The following ABCB5 variants were observed in gnomAD, a reference collection of about 807,000 sequenced individuals.
ABCB5 encodes the protein ATP-binding cassette sub-family B member 5.
Under a neutral mutation model 144.2 loss-of-function variants are expected in ABCB5, and 155 were observed. The ratio of observed to expected loss-of-function variants is 1.08; its 90% CI spans 0.94 to 1.23. The LOEUF (loss-of-function observed/expected upper bound fraction) is 1.23. Among genes scored for constraint, ABCB5 ranks in the 50% most tolerant of loss-of-function variants. The probability of loss-of-function intolerance (pLI) is 0.00; values close to 1 mark genes in which losing one functional copy is unlikely to be tolerated. For missense variants in ABCB5, 1,830 were observed against 1,520.8 expected (o/e 1.20, Z -3.38); for synonymous variants, 610 against 528.6 (o/e 1.15, Z -2.11).
chr7:20,670,657 C>T (rs1785437205), intron 14 of ABCB5, among the ~76,000 whole-genome samples: 1 of 152,200 alleles, frequency 6.6e-6, no homozygotes, highest in Non-Finnish European at 1.5e-5. Context: ...TGCTTGTAAT[C>T]CCAGCACTTT....
chr7:20,664,704 C>T (rs1562548727), intron 14 of ABCB5, among the ~76,000 whole-genome samples: 1 of 91,360 alleles, frequency 1.1e-5, no homozygotes, highest in Admixed American at 1.0e-4. Context: ...TCTCTTCTTA[C>T]CCACCATTTA....
intron 14 of ABCB5, among the ~76,000 whole-genome samples, chr7:20,680,712 G>C (rs1004424812): frequency 6.6e-6 from 1 of 151,992 alleles, no homozygotes; most frequent in Non-Finnish European, 1.5e-5. Context: ...ACCCTTATGT[G>C]CATTTTTCCA....
At chr7:20,718,616 G>C (rs899015602) in intron 20 of ABCB5, among the ~76,000 whole-genome samples, 1 of 152,156 alleles carries the variant, frequency 6.6e-6, no homozygotes, top group Admixed American at 6.5e-5. Flanking sequence ...AGCCCTGGGG[G>C]GGAGGGAGGA....
chr7:20,727,381 A>T (rs946614686), intron 22 of ABCB5, among the ~76,000 whole-genome samples: 4 of 152,238 alleles, frequency 2.6e-5, no homozygotes, highest in Admixed American at 6.5e-5. Context: ...GTTACTAAGT[A>T]TGCACATTTT....
In ABCB5 at chr7:20,645,416, T is replaced by C. The variant is rs1355160147; in HGVS notation, c.679-340T>C. On this transcript the variant is annotated intron_variant, in intron 7 of 27. Transcript: ENST00000404938. ...GACTTGCTATGCGAATAGGCAATAG[T>C]TATGAATTCACAGCTCTGAAGGCAG... 2.0e-5 allele frequency among the ~76,000 whole-genome samples: 3 copies of C among 152,220 alleles called. No homozygotes were observed. In the South Asian group the frequency reaches 6.2e-4, roughly 32 times the overall value.
intron 20 of ABCB5, among the ~76,000 whole-genome samples, chr7:20,718,173 T>G (rs1334311325): frequency 2.6e-5 from 4 of 151,982 alleles, no homozygotes; most frequent in Non-Finnish European, 5.9e-5. Flanking sequence ...CCTCCCAAAG[T>G]CCTGGGATTC....
intron 14 of ABCB5, chr7:20,659,116 G>C (rs748532087): frequency 6.2e-7 from 1 of 1,613,862 alleles, no homozygotes; most frequent in East Asian, 2.2e-5. Context: ...GTGGAGAATC[G>C]CTGACCTTGA....
chr7:20,679,021 T>C (rs1174641484), intron 14 of ABCB5, among the ~76,000 whole-genome samples: 3 of 152,160 alleles, frequency 2.0e-5, no homozygotes, highest in African/African-American at 4.8e-5. Flanking sequence ...ATGACAAAGA[T>C]TGTAAGGTAA....
At position 20,739,048 on chromosome 7, in the gene ABCB5, A is replaced by C; in HGVS notation, c.2933A>C (p.Tyr978Ser). ...GAAACGCTCGTTTTGGCTCCTGAAT[A>C]TTCCAAAGCCAAATCGGGGGCTGCG... ...IGETLVLAPE[Y>S]SKAKSGAAHL... The change falls in exon 24 of 28, where the codon TAT (tyrosine) becomes TCT (serine). Residue 978 changes from tyrosine (Y) to serine (S), a missense_variant. Physicochemically the swap from Tyr to Ser is moderately radical, Grantham distance 144. Coordinates refer to ENST00000404938, the MANE Select transcript of ABCB5 (RefSeq NM_001163941.2). 4.3e-6 allele frequency: 7 copies of C among 1,612,910 alleles called. No individual in the cohort carries two copies. Among genetic ancestry groups the C allele is most frequent in the Non-Finnish European group, 5.9e-6 (7 of 1,179,520 alleles).
chr7:20,678,178 A>G (rs1785675519), intron 14 of ABCB5, among the ~76,000 whole-genome samples: 1 of 152,190 alleles, frequency 6.6e-6, no homozygotes, highest in African/African-American at 2.4e-5. Flanking sequence ...TTAAAACATA[A>G]TTATAATAGG....
Position 20,755,561 on chromosome 7 carries a change from T to A in ABCB5, c.3711T>A (p.His1237Gln). 1 of 1,614,188 alleles carries A rather than the reference T, an allele frequency of 6.2e-7. No individual in the cohort carries two copies. The change falls in exon 28 of 28, where the codon CAT (histidine) becomes CAA (glutamine). Residue 1237 changes from histidine to glutamine, a missense_variant. Coordinates refer to ENST00000404938, the MANE Select transcript of ABCB5 (RefSeq NM_001163941.2). ...HNGKIKEQGTHQELLRNRDIY... is the reference protein window; with the variant it reads ...HNGKIKEQGTQQELLRNRDIY... Reference sequence around the variant, plus strand: ...GAAAGATAAAGGAACAAGGAACTCATCAAGAGCTCCTGAGAAATCGAGACA... The same window carrying A: ...GAAAGATAAAGGAACAAGGAACTCAACAAGAGCTCCTGAGAAATCGAGACA...
chr7:20,680,786 TTAAG>T, intron 14 of ABCB5, among the ~76,000 whole-genome samples: 1 of 152,310 alleles, frequency 6.6e-6, no homozygotes, highest in African/African-American at 2.4e-5. Context: ...ACCCAACTAG[TTAAG>T]TAATATCCCC....
rs1785290539 is a variant in ABCB5 at position 20,668,355 on chromosome 7, G to A, written c.1707+9679G>A. On this transcript the variant is annotated intron_variant, in intron 14 of 27. Coordinates refer to ENST00000404938, the MANE Select transcript of ABCB5 (RefSeq NM_001163941.2). ...CGGCCGCCCATCGTCTGAGATGTGGGGAGCACCTCTGCCCCGCCGCCCTGT... is the reference window on the plus strand; with the variant it reads ...CGGCCGCCCATCGTCTGAGATGTGGAGAGCACCTCTGCCCCGCCGCCCTGT... 4.8e-5 allele frequency among the ~76,000 whole-genome samples: 7 copies of A among 145,244 alleles called. No individual in the cohort carries two copies. In the South Asian group the frequency reaches 1.1e-3, roughly 24 times the overall value.
At chr7:20,668,181 C>A (rs1277175631) in intron 14 of ABCB5, among the ~76,000 whole-genome samples, 4 of 145,320 alleles carry the variant, frequency 2.8e-5, no homozygotes, top group African/African-American at 7.9e-5. Context: ...GCCTGGCCCC[C>A]CATCGTCTGG....
At chr7:20,698,376 G>A (rs202152087) in intron 16 of ABCB5, 31 bp from the exon 17 acceptor site, 2 of 1,537,356 alleles carry the variant, frequency 1.3e-6, no homozygotes, top group East Asian at 4.6e-5. Flanking sequence ...CACACAAACT[G>A]GCATTTTTAA....
intron 20 of ABCB5, among the ~76,000 whole-genome samples, chr7:20,710,393 G>GGT (rs1786989760): frequency 1.0e-5 from 1 of 100,018 alleles, no homozygotes; most frequent in Non-Finnish European, 2.0e-5. Flanking sequence ...TGGGGGGGGG[G>GGT]CATGACTGTG....
intron 20 of ABCB5, among the ~76,000 whole-genome samples, chr7:20,722,752 T>A (rs1349678484): frequency 6.6e-6 from 1 of 151,288 alleles, no homozygotes; most frequent in Non-Finnish European, 1.5e-5. Context: ...AACCCAGGAG[T>A]CGGAGGTTGC....
chr7:20,664,042 A>G (rs1363861021), intron 14 of ABCB5, among the ~76,000 whole-genome samples: 3 of 147,462 alleles, frequency 2.0e-5, no homozygotes, highest in African/African-American at 7.8e-5. Flanking sequence ...TTTTACCAAA[A>G]AGAGAGAGAG....
At chr7:20,683,973 T>C (rs1339047715) in intron 15 of ABCB5, among the ~76,000 whole-genome samples, 2 of 160 alleles carry the variant, frequency 0.013, no homozygotes, top group Non-Finnish European at 0.027. Context: ...CCACTAATAG[T>C]TTTAGTCCTT....
Sources: gnomAD v4.1 joint callset for allele counts (sites outside exome capture counted in the v4.1 genomes callset) on GRCh38, gnomAD v4.1.1 for gene constraint, MANE v1.5 for transcripts, NCBI Gene and HGNC (gene_info 2026-07-23, HGNC 2026-07-21) for gene names.